Variants in BCKDHB observed in about 807,000 individuals in gnomAD.
BCKDHB encodes the protein 2-oxoisovalerate dehydrogenase subunit beta, mitochondrial.
A neutral mutation model predicts 48.5 loss-of-function variants in BCKDHB; 41 were observed. The observed-to-expected ratio is 0.85, with a 90% CI of 0.66 to 1.10. The LOEUF is 1.10. Among genes scored for constraint, BCKDHB ranks in the 50% least tolerant of loss-of-function variants. The pLI is 0.00. For missense variants in BCKDHB, 496 were observed against 494.2 expected (o/e 1.00, Z -0.03); for synonymous variants, 201 against 174.8 (o/e 1.15, Z -1.18).
At chr6:80,410,168 C>T in the BCKDHB span, among the ~76,000 whole-genome samples, 1 of 152,078 alleles carries the variant, frequency 6.6e-6, no homozygotes, top group Non-Finnish European at 1.5e-5. Flanking sequence ...TCAGCAATTG[C>T]GTGTCTCTAA....
the BCKDHB span, among the ~76,000 whole-genome samples, chr6:80,371,277 G>A: frequency 6.6e-6 from 1 of 151,908 alleles, no homozygotes; most frequent in Non-Finnish European, 1.5e-5. Flanking sequence ...TGTTGGTCAT[G>A]TGTATATCTT....
the BCKDHB span, among the ~76,000 whole-genome samples, chr6:80,405,120 T>C: frequency 6.6e-6 from 1 of 152,104 alleles, no homozygotes; most frequent in Non-Finnish European, 1.5e-5. Context: ...ATCTACCTAT[T>C]GTTGAAAGTG....
At chr6:80,141,377 A>T (rs999654515) in intron 3 of BCKDHB, among the ~76,000 whole-genome samples, 2 of 152,102 alleles carry the variant, frequency 1.3e-5, no homozygotes, top group Non-Finnish European at 2.9e-5. Context: ...AAAAAGTTTG[A>T]AAAAAATCTA....
intron 3 of BCKDHB, among the ~76,000 whole-genome samples, chr6:80,146,529 C>T (rs574170299): frequency 5.9e-5 from 9 of 152,172 alleles, no homozygotes; most frequent in South Asian, 4.1e-4. Flanking sequence ...GGCCTAAATC[C>T]GCAGGGATGG....
intron 6 of BCKDHB, among the ~76,000 whole-genome samples, chr6:80,173,756 C>T (rs1249413379): frequency 1.3e-5 from 2 of 150,410 alleles, no homozygotes; most frequent in African/African-American, 4.9e-5. Context: ...TTAGATTTGA[C>T]CTCTGGTTCA....
At chr6:80,130,914 C>T (rs1238018488) in intron 3 of BCKDHB, among the ~76,000 whole-genome samples, 2 of 152,300 alleles carry the variant, frequency 1.3e-5, no homozygotes, top group African/African-American at 4.8e-5. Context: ...ACAATTCCAT[C>T]TTGCCTGACT....
chr6:80,172,523 T>C (rs898510856), intron 6 of BCKDHB, among the ~76,000 whole-genome samples: 7 of 152,124 alleles, frequency 4.6e-5, no homozygotes, highest in Non-Finnish European at 8.8e-5. Flanking sequence ...CTAAGGAAAG[T>C]AGCTTGGCCC....
chr6:80,456,230 AG>A, the BCKDHB span, among the ~76,000 whole-genome samples: 111 of 150,984 alleles, frequency 7.4e-4, no homozygotes, highest in South Asian at 2.3e-3. Context: ...AAAGAAAGAA[AG>A]AAAAAAAACT....
rs937491765 is a variant in BCKDHB at position 80,328,280 on chromosome 6, C to T, written c.1039-15384C>T. Among the ~76,000 whole-genome samples the T allele has an allele frequency of 9.2e-5, 14 of 152,286 alleles. No individual in the cohort carries two copies. The East Asian group carries it at 2.1e-3, about 23-fold the overall frequency. ...GGAAGGGCATTTACTCTTTTAGCTA[C>T]TGGAGTTTGATTTTCTTTATTATCA... On this transcript the variant is annotated intron_variant, in intron 9 of 9. Coordinates refer to ENST00000320393, the MANE Select transcript of BCKDHB (RefSeq NM_183050.4).
chr6:80,193,032 G>A (rs1370658098), intron 6 of BCKDHB, among the ~76,000 whole-genome samples: 2 of 151,920 alleles, frequency 1.3e-5, no homozygotes, highest in Non-Finnish European at 2.9e-5. Context: ...TATTGCCCAG[G>A]CTGGTCTCGA....
the BCKDHB span, among the ~76,000 whole-genome samples, chr6:80,395,612 T>C: frequency 6.6e-6 from 1 of 152,186 alleles, no homozygotes; most frequent in Non-Finnish European, 1.5e-5. Flanking sequence ...GAAGATTTGA[T>C]AGGAAAGAAA....
chr6:80,429,418 T>C, the BCKDHB span, among the ~76,000 whole-genome samples: 2 of 152,234 alleles, frequency 1.3e-5, no homozygotes, highest in African/African-American at 4.8e-5. Context: ...AGAAAGTCAA[T>C]GGTAGCTTGA....
Position 80,106,821 on chromosome 6 carries a change from A to G in BCKDHB, c.128A>G (p.Glu43Gly), listed in dbSNP as rs749468972. ...RGFLHPAATV[E>G]DAAQRRQVAH... Reference sequence around the variant, plus strand: ...TTTTTGCACCCCGCCGCGACTGTCGAGGATGCGGCCCAGAGGCGGCAGGTG... The same window carrying G: ...TTTTTGCACCCCGCCGCGACTGTCGGGGATGCGGCCCAGAGGCGGCAGGTG... Residue 43 changes from glutamate (E) to glycine (G), a missense_variant, in exon 1 of 10, where the codon GAG becomes GGG. Transcript: ENST00000320393. 70 of 1,609,720 alleles carry G rather than the reference A, an allele frequency of 4.3e-5. No homozygotes were observed. The highest frequency in any genetic ancestry group is 2.1e-4 in the South Asian group (19 of 90,378).
intron 8 of BCKDHB, among the ~76,000 whole-genome samples, chr6:80,214,082 A>G (rs1218360493): frequency 6.6e-6 from 1 of 152,182 alleles, no homozygotes; most frequent in East Asian, 1.9e-4. Flanking sequence ...GGATAATAGC[A>G]GGACAGGCAC....
chr6:80,139,050 C>G (rs1435950528), intron 3 of BCKDHB, among the ~76,000 whole-genome samples: 5 of 152,122 alleles, frequency 3.3e-5, no homozygotes, highest in Admixed American at 3.3e-4. Flanking sequence ...TCTCTGATGG[C>G]CGGTGATGGT....
intron 9 of BCKDHB, among the ~76,000 whole-genome samples, chr6:80,284,737 T>C (rs573256205): frequency 1.8e-4 from 28 of 152,284 alleles, no homozygotes; most frequent in African/African-American, 6.7e-4. Context: ...AACCTATATT[T>C]GTATCATCCA....
chr6:80,201,066 G>T, intron 7 of BCKDHB, 35 bp downstream of exon 7: 1 of 1,502,954 alleles, frequency 6.7e-7, no homozygotes, highest in African/African-American at 1.4e-5. Flanking sequence ...TAAAACCTAC[G>T]TTGTGCTTGG....
intron 2 of BCKDHB, among the ~76,000 whole-genome samples, chr6:80,128,559 A>C (rs2127727155): frequency 1.3e-5 from 2 of 152,164 alleles, no homozygotes; most frequent in East Asian, 3.9e-4. Flanking sequence ...TCTGCTTCAC[A>C]CAGTCTAAAT....
Position 80,204,476 on chromosome 6 carries a change from C to T in BCKDHB, c.951+1264C>T, listed in dbSNP as rs185510521. Among the ~76,000 whole-genome samples, 411 of 152,128 alleles carry T rather than the reference C, an allele frequency of 2.7e-3. 2 individuals carry two copies. Among genetic ancestry groups the T allele is most frequent in the African/African-American group, 9.2e-3 (380 of 41,508 alleles). On this transcript the variant is annotated intron_variant, in intron 8 of 9. Coordinates refer to ENST00000320393, the MANE Select transcript of BCKDHB (RefSeq NM_183050.4). ...CCGGGTTTTCTTTCAAATAGCCAGA[C>T]GTTCCAAATTATAGTTAAACTAGAG...
Sources: gnomAD v4.1 joint callset for allele counts (sites outside exome capture counted in the v4.1 genomes callset) on GRCh38, gnomAD v4.1.1 for gene constraint, MANE v1.5 for transcripts, NCBI Gene and HGNC (gene_info 2026-07-23, HGNC 2026-07-21) for gene names.